Variants in FHIT observed in about 807,000 individuals in gnomAD.
FHIT encodes bis(5'-adenosyl)-triphosphatase.
FHIT carries 19 observed loss-of-function variants against 17.9 expected under a neutral mutation model. That is an observed-to-expected ratio of 1.06 (90% confidence interval 0.74 to 1.56). The LOEUF is 1.56. Ranked by LOEUF, FHIT falls within the 40% of genes most tolerant of loss-of-function variation. The pLI is 0.00. For synonymous variants in FHIT, 81 were observed against 69.7 expected (o/e 1.16, Z -0.81); for missense variants, 248 against 189.2 (o/e 1.31, Z -1.82).
intron 8 of FHIT, among the ~76,000 whole-genome samples, chr3:59,812,576 T>G (rs1438626163): frequency 1.3e-5 from 2 of 152,200 alleles, no homozygotes; most frequent in African/African-American, 4.8e-5. Flanking sequence ...GAGGGTCAAG[T>G]TTCTGCTTCC....
intron 5 of FHIT, among the ~76,000 whole-genome samples, chr3:60,363,760 C>T (rs959008214): frequency 6.6e-6 from 1 of 152,126 alleles, no homozygotes; most frequent in Non-Finnish European, 1.5e-5. Context: ...CCTGGCCCCC[C>T]TGGCCCCCCT....
chr3:59,851,499 G>A (rs1701933882), intron 8 of FHIT, among the ~76,000 whole-genome samples: 1 of 152,148 alleles, frequency 6.6e-6, no homozygotes, highest in Non-Finnish European at 1.5e-5. Context: ...AAGTTAAACA[G>A]CTAATGGAGT....
chr3:59,838,530 C>T (rs951083705), intron 8 of FHIT, among the ~76,000 whole-genome samples: 2 of 152,152 alleles, frequency 1.3e-5, no homozygotes, highest in African/African-American at 2.4e-5. Context: ...TTCCCAAGGC[C>T]TTCCTGATCC....
At chr3:60,418,386 A>ATATATATATG (rs1702336235) in intron 5 of FHIT, among the ~76,000 whole-genome samples, 1 of 18,904 alleles carries the variant, frequency 5.3e-5, no homozygotes, top group Admixed American at 8.6e-4. Flanking sequence ...GTATATATAT[A>ATATATATATG]TATATATATA....
At chr3:59,940,206 A>G (rs1231603669) in intron 7 of FHIT, among the ~76,000 whole-genome samples, 2 of 152,196 alleles carry the variant, frequency 1.3e-5, no homozygotes, top group Non-Finnish European at 2.9e-5. Context: ...GGAACTTAGT[A>G]AGCATAGATG....
At chr3:60,838,149 G>C (rs1702598207) in intron 3 of FHIT, among the ~76,000 whole-genome samples, 1 of 152,112 alleles carries the variant, frequency 6.6e-6, no homozygotes, top group African/African-American at 2.4e-5. Flanking sequence ...ATCCAGGCTG[G>C]AGAGTGCAGT....
At chr3:60,568,532 C>G (rs2037224493) in intron 4 of FHIT, among the ~76,000 whole-genome samples, 1 of 151,914 alleles carries the variant, frequency 6.6e-6, no homozygotes. Context: ...GGGTGCAGCA[C>G]ACCAACATGG....
intron 3 of FHIT, among the ~76,000 whole-genome samples, chr3:61,003,900 G>C (rs191981322): frequency 8.4e-4 from 128 of 152,328 alleles, no homozygotes; most frequent in African/African-American, 2.8e-3. Context: ...CAATACATCA[G>C]TTTGGTTTTT....
intron 4 of FHIT, among the ~76,000 whole-genome samples, chr3:60,654,676 C>T (rs2040074396): frequency 6.6e-6 from 1 of 152,082 alleles, no homozygotes; most frequent in South Asian, 2.1e-4. Flanking sequence ...TCCATTTGCA[C>T]CTGATTCTAG....
intron 2 of FHIT, among the ~76,000 whole-genome samples, chr3:61,127,124 C>G (rs953686467): frequency 6.6e-6 from 1 of 152,158 alleles, no homozygotes; most frequent in East Asian, 1.9e-4. Context: ...CCCCAACTTA[C>G]GCTGTAACAG....
intron 1 of FHIT, among the ~76,000 whole-genome samples, chr3:61,203,893 A>G (rs1391016658): frequency 1.3e-5 from 2 of 152,238 alleles, no homozygotes; most frequent in East Asian, 3.8e-4. Flanking sequence ...GATTTGTACA[A>G]TGTTTACATT....
At chr3:60,662,840 A>C (rs1300618849) in intron 4 of FHIT, among the ~76,000 whole-genome samples, 1 of 151,878 alleles carries the variant, frequency 6.6e-6, no homozygotes, top group Non-Finnish European at 1.5e-5. Flanking sequence ...ATTTTCTCCC[A>C]CATTTATTTT....
chr3:60,227,202 A>C (rs1411282591), intron 5 of FHIT, among the ~76,000 whole-genome samples: 4 of 152,174 alleles, frequency 2.6e-5, no homozygotes, highest in Non-Finnish European at 5.9e-5. Context: ...AACTCTCCCC[A>C]CCAGTTTCAC....
intron 4 of FHIT, among the ~76,000 whole-genome samples, chr3:60,775,473 C>A (rs963272065): frequency 3.3e-5 from 5 of 152,116 alleles, no homozygotes; most frequent in Non-Finnish European, 5.9e-5. Flanking sequence ...GGGACTCAAG[C>A]CTTGGGAGAC....
At chr3:61,019,981 C>T (rs891087002) in intron 3 of FHIT, among the ~76,000 whole-genome samples, 7 of 152,148 alleles carry the variant, frequency 4.6e-5, no homozygotes, top group African/African-American at 1.2e-4. Flanking sequence ...CTGTCATCTA[C>T]ATTAGGTATT....
At chr3:60,178,439 A>T (rs915675168) in intron 5 of FHIT, among the ~76,000 whole-genome samples, 2 of 151,930 alleles carry the variant, frequency 1.3e-5, no homozygotes, top group Admixed American at 1.3e-4. Flanking sequence ...TACAAAAATT[A>T]CCTGGGTGTT....
intron 5 of FHIT, among the ~76,000 whole-genome samples, chr3:60,369,346 G>T (rs2107047441): frequency 6.6e-6 from 1 of 152,200 alleles, no homozygotes; most frequent in Middle Eastern, 3.4e-3. Context: ...ATCTGTTCTT[G>T]AACAGCATCC....
At chr3:60,946,386 A>G (rs1708640779) in intron 3 of FHIT, among the ~76,000 whole-genome samples, 1 of 152,190 alleles carries the variant, frequency 6.6e-6, no homozygotes, top group African/African-American at 2.4e-5. Context: ...GACATTTAGC[A>G]TCCTTAACTT....
intron 4 of FHIT, among the ~76,000 whole-genome samples, chr3:60,576,118 G>A (rs1323229893): frequency 2.6e-5 from 4 of 152,104 alleles, no homozygotes; most frequent in African/African-American, 7.2e-5. Flanking sequence ...GAGACGGGTA[G>A]AAGTTGAACC....
Sources: gnomAD v4.1 joint callset for allele counts (sites outside exome capture counted in the v4.1 genomes callset) on GRCh38, gnomAD v4.1.1 for gene constraint, MANE v1.5 for transcripts, NCBI Gene and HGNC (gene_info 2026-07-23, HGNC 2026-07-21) for gene names.